Variants in POU6F2 observed in about 807,000 individuals in gnomAD.
The protein encoded by POU6F2 is POU class 6 homeobox 2.
In POU6F2, 31 loss-of-function variants were observed where a neutral mutation model predicts 71.3. That is an observed-to-expected ratio of 0.43 (90% CI 0.33 to 0.59). The LOEUF (loss-of-function observed/expected upper bound fraction) is 0.59. POU6F2 is among the 20% of genes least tolerant of loss of function. The probability of loss-of-function intolerance (pLI) is 0.04; values close to 1 mark genes in which losing one functional copy is unlikely to be tolerated. For missense variants in POU6F2, 783 were observed against 856.8 expected, an observed-to-expected ratio of 0.91 and a Z score of 1.07; for synonymous variants, 347 against 355.7, an observed-to-expected ratio of 0.98 and a Z score of 0.27.
At chr7:39,454,086 G>C (rs775319772) in intron 8 of POU6F2, among the ~76,000 whole-genome samples, 11 of 152,162 alleles carry the variant, frequency 7.2e-5, no homozygotes, top group Non-Finnish European at 1.5e-4. Flanking sequence ...AATTTGCTAT[G>C]ATGGCTCACA....
intron 6 of POU6F2, among the ~76,000 whole-genome samples, chr7:39,416,788 G>A (rs926596827): frequency 8.0e-5 from 12 of 149,316 alleles, no homozygotes; most frequent in Admixed American, 7.9e-4. Context: ...GTTAGAAGTA[G>A]CCTAATTTCA....
intron 1 of POU6F2, among the ~76,000 whole-genome samples, chr7:39,062,160 A>G (rs1441913574): frequency 6.6e-6 from 1 of 152,178 alleles, no homozygotes; most frequent in Non-Finnish European, 1.5e-5. Context: ...AGATACCAGC[A>G]ATTTGGTCCA....
At chr7:39,061,448 A>T (rs1790655355) in intron 1 of POU6F2, among the ~76,000 whole-genome samples, 1 of 152,178 alleles carries the variant, frequency 6.6e-6, no homozygotes, top group Non-Finnish European at 1.5e-5. Context: ...AAACTGTTTG[A>T]ACTCATTTAC....
chr7:39,006,774 TTG>T, intron 1 of POU6F2: 1 of 1,420,630 alleles, frequency 7.0e-7, no homozygotes. Context: ...CTCTCTTGGG[TTG>T]TGTTACCCTG....
At chr7:39,355,012 A>C (rs911023656) in intron 5 of POU6F2, among the ~76,000 whole-genome samples, 2 of 152,216 alleles carry the variant, frequency 1.3e-5, no homozygotes, top group African/African-American at 4.8e-5. Context: ...CTCTGCCCCC[A>C]GTCTGACAAG....
chr7:39,291,850 C>A (rs955433402), intron 4 of POU6F2, among the ~76,000 whole-genome samples: 2 of 152,066 alleles, frequency 1.3e-5, no homozygotes, highest in Non-Finnish European at 2.9e-5. Context: ...TTGACCTAGC[C>A]TTTTGACCCT....
At chr7:39,414,912 A>T (rs1404836436) in intron 6 of POU6F2, among the ~76,000 whole-genome samples, 1 of 152,098 alleles carries the variant, frequency 6.6e-6, no homozygotes, top group South Asian at 2.1e-4. Flanking sequence ...ATTCTCTCTG[A>T]AGATTGAGCT....
intron 7 of POU6F2, among the ~76,000 whole-genome samples, chr7:39,445,286 A>G (rs1381580368): frequency 6.6e-6 from 1 of 152,132 alleles, no homozygotes; most frequent in African/African-American, 2.4e-5. Flanking sequence ...CCCACAAGGG[A>G]TCTAAAATAG....
intron 1 of POU6F2, among the ~76,000 whole-genome samples, chr7:39,029,757 AATT>A (rs1331345149): frequency 1.3e-5 from 2 of 152,186 alleles, no homozygotes; most frequent in Non-Finnish European, 2.9e-5. Flanking sequence ...ATTGTCATGA[AATT>A]ATTATCAAAT....
At chr7:39,332,151 C>T (rs1414902041) in intron 4 of POU6F2, among the ~76,000 whole-genome samples, 1 of 152,090 alleles carries the variant, frequency 6.6e-6, no homozygotes, top group Non-Finnish European at 1.5e-5. Context: ...TGTGACTTTC[C>T]CTGACAGCTT....
chr7:39,294,380 C>A (rs2128762992), intron 4 of POU6F2, among the ~76,000 whole-genome samples: 1 of 141,516 alleles, frequency 7.1e-6, no homozygotes, highest in African/African-American at 2.5e-5. Flanking sequence ...TGGCAAAAAC[C>A]ACAATTACTT....
intron 4 of POU6F2, among the ~76,000 whole-genome samples, chr7:39,297,742 T>TA (rs554315855): frequency 0.013 from 2,024 of 152,198 alleles, 38 homozygotes; most frequent in African/African-American, 0.046. Flanking sequence ...TCACACTACC[T>TA]GACTTCAAAC....
At chr7:39,415,152 T>A (rs544308645) in intron 6 of POU6F2, among the ~76,000 whole-genome samples, 158 of 152,190 alleles carry the variant, frequency 1.0e-3, no homozygotes, top group African/African-American at 3.4e-3. Context: ...GCCTCCCGAG[T>A]AGCTGGGATT....
intron 4 of POU6F2, among the ~76,000 whole-genome samples, chr7:39,296,854 T>C (rs999449663): frequency 8.5e-5 from 13 of 152,356 alleles, no homozygotes; most frequent in African/African-American, 2.2e-4. Flanking sequence ...ATGTCTCTCA[T>C]TGAATGCATG....
intron 6 of POU6F2, among the ~76,000 whole-genome samples, chr7:39,417,932 A>G (rs1787717811): frequency 6.6e-6 from 1 of 152,252 alleles, no homozygotes; most frequent in Admixed American, 6.5e-5. Flanking sequence ...TAGTATTAAT[A>G]GCAATAATAA....
intron 4 of POU6F2, among the ~76,000 whole-genome samples, chr7:39,287,694 C>T (rs1458323938): frequency 6.6e-6 from 1 of 152,188 alleles, no homozygotes; most frequent in Non-Finnish European, 1.5e-5. Flanking sequence ...AAAGTCTTAC[C>T]TGTCCAGGGT....
intron 2 of POU6F2, among the ~76,000 whole-genome samples, chr7:39,200,888 G>A (rs1323890995): frequency 6.6e-6 from 1 of 151,602 alleles, no homozygotes; most frequent in Admixed American, 6.6e-5. Context: ...TTAGCTGGGT[G>A]TAGTGGCTCG....
chr7:39,400,235 A>G (rs567586565), intron 5 of POU6F2, among the ~76,000 whole-genome samples: 21 of 152,326 alleles, frequency 1.4e-4, no homozygotes, highest in African/African-American at 5.1e-4. Flanking sequence ...GAATAACAAA[A>G]GATGTTTTTC....
At chr7:39,105,698 A>G (rs1791666954) in intron 2 of POU6F2, among the ~76,000 whole-genome samples, 4 of 152,348 alleles carry the variant, frequency 2.6e-5, no homozygotes, top group African/African-American at 9.6e-5. Context: ...GTGGTAAACT[A>G]AAATGTGCTT....
Sources: gnomAD v4.1 joint callset for allele counts (sites outside exome capture counted in the v4.1 genomes callset) on GRCh38, gnomAD v4.1.1 for gene constraint, MANE v1.5 for transcripts, NCBI Gene and HGNC (gene_info 2026-07-23, HGNC 2026-07-21) for gene names.